Variants in OXCT1 observed in about 807,000 individuals in gnomAD.
OXCT1 encodes the protein 3-oxoacid CoA-transferase 1.
OXCT1 carries 27 observed loss-of-function variants against 69.6 expected under a neutral mutation model. The observed-to-expected ratio is 0.39, with a 90% CI of 0.29 to 0.54. OXCT1 has a LOEUF of 0.54. OXCT1 is among the 20% of genes least tolerant of loss of function. The probability of loss-of-function intolerance (pLI) is 0.72; values close to 1 mark genes in which losing one functional copy is unlikely to be tolerated. For synonymous variants in OXCT1, 202 were observed against 217.8 expected (o/e 0.93, Z 0.64); for missense variants, 437 against 650.2 (o/e 0.67, Z 3.57).
At chr5:41,847,700 T>A (rs538841797) in intron 5 of OXCT1, among the ~76,000 whole-genome samples, 4 of 152,306 alleles carry the variant, frequency 2.6e-5, no homozygotes, top group Admixed American at 6.5e-5. Context: ...TCTCAATAGA[T>A]GCAGAAAAGA....
intron 3 of OXCT1, among the ~76,000 whole-genome samples, chr5:41,854,775 A>G (rs11744623): frequency 0.24 from 35,852 of 152,038 alleles, 4,415 homozygotes; most frequent in Middle Eastern, 0.34. Context: ...TAAAAAAGAA[A>G]AAAATACCAA....
At chr5:41,797,942 G>A (rs1412298163) in intron 11 of OXCT1, among the ~76,000 whole-genome samples, 2 of 152,140 alleles carry the variant, frequency 1.3e-5, no homozygotes, top group Non-Finnish European at 2.9e-5. Flanking sequence ...TAATTACAAG[G>A]CAAAATGTGA....
At chr5:41,774,337 G>C (rs999924955) in intron 13 of OXCT1, among the ~76,000 whole-genome samples, 4 of 152,084 alleles carry the variant, frequency 2.6e-5, no homozygotes, top group African/African-American at 9.7e-5. Context: ...ATTGAGAAGG[G>C]CTAGAAGCAA....
rs149323305 is a variant in OXCT1, at chr5:41,828,330, G to A, written c.732+12121C>T. Among the ~76,000 whole-genome samples, 315 of 151,276 alleles carry A rather than the reference G, an allele frequency of 2.1e-3. 1 individual carries two copies. Among genetic ancestry groups the A allele is most frequent in the African/African-American group, 7.2e-3 (295 of 41,196 alleles). ...GGGGTTTCACCATGTTGGCCAGGCTGGCCAACTGGTCTCGAACTCCTGACC... is the reference window on the plus strand; with the variant it reads ...GGGGTTTCACCATGTTGGCCAGGCTAGCCAACTGGTCTCGAACTCCTGACC... On this transcript the variant is annotated intron_variant, in intron 7 of 16. Coordinates refer to ENST00000196371, the MANE Select transcript of OXCT1 (RefSeq NM_000436.4).
chr5:41,802,741 C>T (rs1388127650), intron 10 of OXCT1, among the ~76,000 whole-genome samples: 10 of 152,150 alleles, frequency 6.6e-5, no homozygotes, highest in East Asian at 3.9e-4. Flanking sequence ...ACATGGGAGA[C>T]GCAGTCAGAA....
rs747707805 is a variant in OXCT1, at chr5:41,744,893, C to T, written c.1419+4634G>A. On this transcript the variant is annotated intron_variant, in intron 15 of 16. Transcript: ENST00000196371. ...GCTAACTATCCTAAATATATATGCA[C>T]CCAATACAGGAGCACCCAGTCCTTA... Among the ~76,000 whole-genome samples, 233 of 152,154 alleles carry T rather than the reference C, an allele frequency of 1.5e-3. 2 individuals carry two copies. The highest frequency in any genetic ancestry group is 0.014 in the Middle Eastern group (4 of 294).
At chr5:41,841,833 G>A (rs933939316) in intron 6 of OXCT1, among the ~76,000 whole-genome samples, 1 of 152,072 alleles carries the variant, frequency 6.6e-6, no homozygotes, top group African/African-American at 2.4e-5. Flanking sequence ...AGAAATCAAA[G>A]AGCATTAATA....
intron 15 of OXCT1, among the ~76,000 whole-genome samples, chr5:41,743,263 T>G (rs1743278668): frequency 6.6e-6 from 1 of 152,228 alleles, no homozygotes; most frequent in African/African-American, 2.4e-5. Flanking sequence ...GTCTGTTGGC[T>G]GCATAAATGT....
intron 13 of OXCT1, among the ~76,000 whole-genome samples, chr5:41,787,856 C>T (rs1745719999): frequency 6.6e-6 from 1 of 151,756 alleles, no homozygotes; most frequent in African/African-American, 2.4e-5. Flanking sequence ...AAAAGATCAA[C>T]CTGAGAGACA....
At chr5:41,848,879 G>T (rs1749049692) in intron 5 of OXCT1, among the ~76,000 whole-genome samples, 3 of 152,134 alleles carry the variant, frequency 2.0e-5, no homozygotes, top group Admixed American at 2.0e-4. Context: ...CATGGGCAAG[G>T]ACTTCATGTA....
At chr5:41,734,282 TTAAA>T (rs1448153052) in intron 16 of OXCT1, among the ~76,000 whole-genome samples, 3 of 152,174 alleles carry the variant, frequency 2.0e-5, no homozygotes, top group Admixed American at 6.5e-5. Context: ...CACATAATGT[TTAAA>T]TATGGAATAC....
At chr5:41,846,399 G>A (rs1411175757) in intron 5 of OXCT1, among the ~76,000 whole-genome samples, 1 of 147,036 alleles carries the variant, frequency 6.8e-6, no homozygotes, top group Non-Finnish European at 1.5e-5. Flanking sequence ...TTTTGTTCTT[G>A]CGATAGTTTA....
chr5:41,773,938 A>G (rs990914948), intron 13 of OXCT1, among the ~76,000 whole-genome samples: 20 of 152,318 alleles, frequency 1.3e-4, no homozygotes, highest in Admixed American at 8.5e-4. Flanking sequence ...GACCTAAGTT[A>G]AGGTACATGT....
At chr5:41,757,131 T>C (rs1744116263) in intron 14 of OXCT1, among the ~76,000 whole-genome samples, 1 of 152,074 alleles carries the variant, frequency 6.6e-6, no homozygotes, top group African/African-American at 2.4e-5. Context: ...CCCATTTACA[T>C]TTTGGCGAAA....
intron 12 of OXCT1, chr5:41,794,378 A>G: frequency 1.7e-6 from 1 of 593,900 alleles, no homozygotes; most frequent in East Asian, 2.8e-5. Context: ...CTAGCTAGAA[A>G]GTGAACACAG....
intron 5 of OXCT1, among the ~76,000 whole-genome samples, chr5:41,849,769 A>G (rs1246436290): frequency 6.6e-6 from 1 of 152,206 alleles, no homozygotes; most frequent in Non-Finnish European, 1.5e-5. Flanking sequence ...CCTACCATAA[A>G]ATCAGTTCAA....
At chr5:41,830,703 G>T (rs1748056370) in intron 7 of OXCT1, among the ~76,000 whole-genome samples, 1 of 152,066 alleles carries the variant, frequency 6.6e-6, no homozygotes, top group Non-Finnish European at 1.5e-5. Flanking sequence ...TGTCTTATCT[G>T]GACAGAAGCT....
chr5:41,780,053 G>GATGT (rs1306222520), intron 13 of OXCT1, among the ~76,000 whole-genome samples: 1 of 152,068 alleles, frequency 6.6e-6, no homozygotes, highest in Non-Finnish European at 1.5e-5. Flanking sequence ...AAATTAGTAA[G>GATGT]TCTGAACATC....
At chr5:41,737,698 C>T (rs1053738621) in intron 16 of OXCT1, among the ~76,000 whole-genome samples, 1 of 152,152 alleles carries the variant, frequency 6.6e-6, no homozygotes, top group Admixed American at 6.5e-5. Context: ...AGACAAAGAC[C>T]TTGGTAGAGT....
Sources: gnomAD v4.1 joint callset for allele counts (sites outside exome capture counted in the v4.1 genomes callset) on GRCh38, gnomAD v4.1.1 for gene constraint, MANE v1.5 for transcripts, NCBI Gene and HGNC (gene_info 2026-07-23, HGNC 2026-07-21) for gene names.